NCEH1: variants seen among roughly 807,000 people sequenced by gnomAD.
NCEH1 encodes 2-acetyl MAGE hydrolase.
A neutral mutation model predicts 25.4 loss-of-function variants in NCEH1; 9 were observed. The observed-to-expected ratio is 0.35, with a 90% CI of 0.21 to 0.62. The LOEUF is 0.62. NCEH1 is among the 20% of genes least tolerant of loss of function. The pLI, the probability that NCEH1 is intolerant of heterozygous loss-of-function variation, is 0.72. For synonymous variants in NCEH1, 200 were observed against 199.8 expected (o/e 1.00, Z -0.01); for missense variants, 412 against 501.1 (o/e 0.82, Z 1.70).
At chr3:172,658,483 G>A (rs1328666663) in intron 1 of NCEH1, among the ~76,000 whole-genome samples, 1 of 152,140 alleles carries the variant, frequency 6.6e-6, no homozygotes, top group African/African-American at 2.4e-5. Flanking sequence ...GAGCACAGTG[G>A]CACCCTCTAC....
At chr3:172,640,795 C>T (rs776279418) in intron 3 of NCEH1, among the ~76,000 whole-genome samples, 2 of 152,076 alleles carry the variant, frequency 1.3e-5, no homozygotes, top group Non-Finnish European at 2.9e-5. Context: ...GCATGAGCCA[C>T]TGCGCCCGGC....
chr3:172,640,990 G>T (rs1047488982), intron 3 of NCEH1, among the ~76,000 whole-genome samples: 2 of 152,048 alleles, frequency 1.3e-5, no homozygotes, highest in African/African-American at 4.8e-5. Flanking sequence ...TTCATTAAAA[G>T]AACATATAAT....
intron 2 of NCEH1, among the ~76,000 whole-genome samples, chr3:172,647,007 G>A (rs1441459797): frequency 6.6e-6 from 1 of 151,844 alleles, no homozygotes; most frequent in African/African-American, 2.4e-5. Context: ...CTCATGAACA[G>A]CTATTGAAAA....
At chr3:172,684,633 C>A (rs1712598311) in intron 1 of NCEH1, among the ~76,000 whole-genome samples, 1 of 152,170 alleles carries the variant, frequency 6.6e-6, no homozygotes, top group African/African-American at 2.4e-5. Flanking sequence ...ATGTGCAATT[C>A]TGTAGAGAAA....
intron 1 of NCEH1, among the ~76,000 whole-genome samples, chr3:172,686,608 C>G (rs1370244807): frequency 6.6e-6 from 1 of 152,122 alleles, no homozygotes; most frequent in Non-Finnish European, 1.5e-5. Flanking sequence ...CTAAGAGGTT[C>G]CAAGGGACTA....
chr3:172,653,157 C>A (rs982991565), intron 1 of NCEH1, among the ~76,000 whole-genome samples: 1 of 152,090 alleles, frequency 6.6e-6, no homozygotes, highest in Non-Finnish European at 1.5e-5. Flanking sequence ...CATAACCATT[C>A]CAGGATCTAG....
chr3:172,653,728 T>TTC (rs57794706), intron 1 of NCEH1, among the ~76,000 whole-genome samples: 32,441 of 127,868 alleles, frequency 0.25, 4,260 homozygotes, highest in East Asian at 0.59. Flanking sequence ...GTTGTTGTTG[T>TTC]TGTTCTGTTT....
At chr3:172,682,714 G>A (rs1417196294) in intron 1 of NCEH1, among the ~76,000 whole-genome samples, 3 of 152,164 alleles carry the variant, frequency 2.0e-5, no homozygotes, top group African/African-American at 7.2e-5. Context: ...TCTTAGTAGT[G>A]TCTATTTAGG....
At chr3:172,700,939 A>G (rs924756120) in intron 1 of NCEH1, among the ~76,000 whole-genome samples, 1 of 151,772 alleles carries the variant, frequency 6.6e-6, no homozygotes, top group South Asian at 2.1e-4. Flanking sequence ...AATATGAGGT[A>G]TACTAAAAAG....
Position 172,642,555 on chromosome 3 carries a change from C to T in NCEH1, c.437+3068G>A, listed in dbSNP as rs140590585. 3.7e-3 allele frequency among the ~76,000 whole-genome samples: 456 copies of T among 123,514 alleles called. 2 individuals are homozygous for T. The highest frequency in any genetic ancestry group is 0.014 in the African/African-American group (447 of 31,558). The allele number at this position is 123,514 out of a possible 152,430, so 81.0% of individuals were successfully genotyped here. On this transcript the variant is annotated intron_variant, in intron 3 of 4. Coordinates refer to ENST00000475381, the MANE Select transcript of NCEH1 (RefSeq NM_020792.6). ...ACTACAGCATAGGTTATAAAGTGCT[C>T]TTGGGTTAGCCTGAATCTTAACAAG... is the stretch of plus-strand genomic sequence containing the variant.
chr3:172,633,664 C>T lies in NCEH1; in HGVS notation c.1038G>A (p.Glu346=). 6.2e-7 allele frequency: 1 copy of T among 1,614,212 alleles called. No individual in the cohort carries two copies. Among genetic ancestry groups the T allele is most frequent in the South Asian group, 1.1e-5 (1 of 91,086 alleles). The change falls in exon 5 of 5, where the codon GAG becomes GAA. Residue 346 remains glutamate (E), a synonymous_variant. Transcript: ENST00000475381. ...LLPKTYILTC[E]HDVLRDDGIM... is the part of the protein sequence containing the mutation. ...TGCCATCGTCTCTGAGGACATCATG[C>T]TCACACGTCAGAATGTAGGTCTTTG...
chr3:172,670,180 T>C (rs1021515783), intron 1 of NCEH1, among the ~76,000 whole-genome samples: 11 of 152,308 alleles, frequency 7.2e-5, no homozygotes, highest in Middle Eastern at 6.8e-3. Context: ...ATTTCAATGA[T>C]TCTGAACATA....
intron 3 of NCEH1, among the ~76,000 whole-genome samples, chr3:172,638,110 T>G (rs1475579709): frequency 6.6e-6 from 1 of 151,922 alleles, no homozygotes; most frequent in African/African-American, 2.4e-5. Flanking sequence ...TGGACAAATG[T>G]TTGTGAAATA....
At chr3:172,688,892 A>G (rs1016877977) in intron 1 of NCEH1, among the ~76,000 whole-genome samples, 7 of 152,228 alleles carry the variant, frequency 4.6e-5, no homozygotes, top group African/African-American at 1.7e-4. Context: ...CAGGGGTGGA[A>G]GCTGACAATC....
intron 1 of NCEH1, among the ~76,000 whole-genome samples, chr3:172,672,964 T>C (rs964088226): frequency 1.6e-4 from 24 of 152,110 alleles, no homozygotes; most frequent in African/African-American, 5.1e-4. Context: ...ACAGGACTGA[T>C]GGGTCCTGGG....
At chr3:172,667,728 T>G (rs1028066390) in intron 1 of NCEH1, among the ~76,000 whole-genome samples, 4 of 152,210 alleles carry the variant, frequency 2.6e-5, no homozygotes, top group African/African-American at 9.6e-5. Flanking sequence ...CAGATTTTCT[T>G]CAGCTTGCAC....
intron 1 of NCEH1, among the ~76,000 whole-genome samples, chr3:172,673,201 A>C (rs1384624716): frequency 2.6e-5 from 4 of 152,190 alleles, no homozygotes; most frequent in Non-Finnish European, 5.9e-5. Flanking sequence ...TGTGGTTAGG[A>C]GGACCTATTT....
At chr3:172,668,871 A>AG (rs201459980) in intron 1 of NCEH1, among the ~76,000 whole-genome samples, 3,286 of 152,280 alleles carry the variant, frequency 0.022, 113 homozygotes, top group African/African-American at 0.076. Context: ...GCTAGGTATT[A>AG]GGTCAGTATG....
At chr3:172,701,092 T>C (rs1713649882) in intron 1 of NCEH1, among the ~76,000 whole-genome samples, 2 of 152,148 alleles carry the variant, frequency 1.3e-5, no homozygotes, top group Admixed American at 6.5e-5. Context: ...CCACTATCCA[T>C]TTGCTGACTA....
Sources: gnomAD v4.1 joint callset for allele counts (sites outside exome capture counted in the v4.1 genomes callset) on GRCh38, gnomAD v4.1.1 for gene constraint, MANE v1.5 for transcripts, NCBI Gene and HGNC (gene_info 2026-07-23, HGNC 2026-07-21) for gene names.